EBF1: variants seen among roughly 807,000 people sequenced by gnomAD.
EBF1 encodes the protein transcription factor COE1.
Under a neutral mutation model 68.4 loss-of-function variants are expected in EBF1, and 10 were observed. That is an observed-to-expected ratio of 0.15 (90% CI 0.09 to 0.25). The LOEUF is 0.25. EBF1 is among the 10% of genes least tolerant of loss of function. The probability of loss-of-function intolerance (pLI) is 1.00; values close to 1 mark genes in which losing one functional copy is unlikely to be tolerated. For synonymous variants in EBF1, 298 were observed against 299.8 expected (o/e 0.99, Z 0.06); for missense variants, 509 against 794.4 (o/e 0.64, Z 4.32).
intron 6 of EBF1, among the ~76,000 whole-genome samples, chr5:158,851,416 A>G (rs1233680606): frequency 7.3e-5 from 8 of 109,804 alleles, no homozygotes; most frequent in Non-Finnish European, 1.3e-4. Flanking sequence ...GGGAGGGGAA[A>G]GGGAAGGGAA....
rs146887593 is a variant in EBF1, at chr5:158,990,719, T to C, written c.554+82677A>G. Among the ~76,000 whole-genome samples, 552 of 152,300 alleles carry C rather than the reference T, an allele frequency of 3.6e-3. 3 individuals carry two copies. Among genetic ancestry groups the C allele is most frequent in the African/African-American group, 0.012 (505 of 41,556 alleles). ...CTTGTCTGTTCCTATCCACAGTAAC[T>C]CTTAATGGGAATTGCATAAATATGT... is the stretch of plus-strand genomic sequence containing the variant. On this transcript the variant is annotated intron_variant, in intron 6 of 15. Transcript: ENST00000313708.
At chr5:158,822,847 T>C (rs1785157792) in intron 8 of EBF1, among the ~76,000 whole-genome samples, 1 of 152,224 alleles carries the variant, frequency 6.6e-6, no homozygotes, top group Admixed American at 6.5e-5. Context: ...TTCCCTTGGA[T>C]TGGCCTTTCC....
chr5:158,712,054 G>A, intron 14 of EBF1, 100 bp downstream of exon 14: 1 of 1,403,868 alleles, frequency 7.1e-7, no homozygotes, highest in Non-Finnish European at 9.7e-7. Flanking sequence ...GAAAGATGGG[G>A]GGCCTCAGAC....
intron 6 of EBF1, among the ~76,000 whole-genome samples, chr5:158,998,435 C>T (rs573363575): frequency 2.0e-5 from 3 of 152,214 alleles, no homozygotes; most frequent in South Asian, 4.1e-4. Context: ...TCTTCCACAT[C>T]GAGGATGAGA....
chr5:159,075,083 T>G (rs1013604744), intron 5 of EBF1, among the ~76,000 whole-genome samples: 1 of 152,220 alleles, frequency 6.6e-6, no homozygotes, highest in African/African-American at 2.4e-5. Context: ...GGTTCTGAAA[T>G]CTGACAGAGC....
In EBF1 at chr5:159,012,159, C is replaced by T. The variant is rs541438244; in HGVS notation, c.554+61237G>A. ...TAAATTAGCTGGGTGTGGTGGCACG[C>T]GCCTGTAATCCCAGCTACTCGGGAG... On this transcript the variant is annotated intron_variant, in intron 6 of 15. Coordinates refer to ENST00000313708, the MANE Select transcript of EBF1 (RefSeq NM_024007.5). Among the ~76,000 whole-genome samples, 583 of 152,024 alleles carry T rather than the reference C, an allele frequency of 3.8e-3. 3 individuals are homozygous for T. The highest frequency in any genetic ancestry group is 6.2e-3 in the Non-Finnish European group (420 of 67,960).
At chr5:159,074,146 C>T (rs1047935915) in intron 5 of EBF1, among the ~76,000 whole-genome samples, 5 of 152,136 alleles carry the variant, frequency 3.3e-5, no homozygotes, top group African/African-American at 1.2e-4. Context: ...GCATTATGGA[C>T]ATTGGAAGTA....
chr5:159,064,481 G>T (rs1335281939), intron 6 of EBF1, among the ~76,000 whole-genome samples: 2 of 152,128 alleles, frequency 1.3e-5, no homozygotes, highest in Non-Finnish European at 2.9e-5. Context: ...TCTGTCAAAT[G>T]GAGTCAATTT....
chr5:158,696,244 G>T lies in EBF1; in HGVS notation c.*2867C>A. 4.6e-6 allele frequency: 1 copy of T among 219,172 alleles called. No individual in the cohort carries two copies. Among genetic ancestry groups the T allele is most frequent in the Non-Finnish European group, 9.2e-6 (1 of 109,202 alleles). 13.6% of individuals were successfully genotyped at this position (219,172 alleles called of 1,614,324 possible). ...TTCTTCATTTCATTTTCTTCTTAAAGCCATATTCTGTATTTAGGGGAACAT... is the reference window on the plus strand; with the variant it reads ...TTCTTCATTTCATTTTCTTCTTAAATCCATATTCTGTATTTAGGGGAACAT... On this transcript the variant is annotated 3_prime_UTR_variant, in exon 16 of 16. Coordinates refer to ENST00000313708, the MANE Select transcript of EBF1 (RefSeq NM_024007.5).
Position 158,760,159 on chromosome 5 carries a change from T to C in EBF1, c.1036+17254A>G, listed in dbSNP as rs1025949824. 1.1e-4 allele frequency among the ~76,000 whole-genome samples: 17 copies of C among 152,342 alleles called. No homozygotes were observed. In the East Asian group the frequency reaches 2.7e-3, roughly 24 times the overall value. On this transcript the variant is annotated intron_variant, in intron 10 of 15. Transcript: ENST00000313708. ...TCACAAATCAGAAATTCATGACTTA[T>C]GAACTTGAATTTCAAAGTTTCAGGC...
At chr5:158,836,306 G>A (rs796866058) in intron 7 of EBF1, among the ~76,000 whole-genome samples, 13 of 152,238 alleles carry the variant, frequency 8.5e-5, no homozygotes, top group African/African-American at 2.4e-4. Context: ...AGAAGATACT[G>A]GAGAGAGCCT....
chr5:158,993,120 G>T (rs572224037), intron 6 of EBF1, among the ~76,000 whole-genome samples: 16 of 147,332 alleles, frequency 1.1e-4, no homozygotes, highest in African/African-American at 4.0e-4. Context: ...AGTAGAGATG[G>T]GGTTTCACCT....
At chr5:158,824,679 C>T (rs1038406091) in intron 7 of EBF1, among the ~76,000 whole-genome samples, 1 of 152,248 alleles carries the variant, frequency 6.6e-6, no homozygotes, top group Admixed American at 6.5e-5. Flanking sequence ...GGGGCATCGA[C>T]TTCTGAAGAG....
intron 6 of EBF1, among the ~76,000 whole-genome samples, chr5:158,956,959 C>T (rs1454555001): frequency 5.3e-5 from 8 of 152,034 alleles, no homozygotes; most frequent in African/African-American, 2.4e-5. Flanking sequence ...CGGGTTTCAC[C>T]GTGTTAGCCA....
chr5:158,990,566 T>G (rs1022580127), intron 6 of EBF1, among the ~76,000 whole-genome samples: 2 of 152,336 alleles, frequency 1.3e-5, no homozygotes, highest in East Asian at 3.9e-4. Flanking sequence ...CAGGCTTGGC[T>G]TTGAAAACTA....
In EBF1 at chr5:158,699,204, TAATG is replaced by T; in HGVS notation, c.1745-66_1745-63del. On this transcript the variant is annotated intron_variant, in intron 15 of 15. Coordinates refer to ENST00000313708, the MANE Select transcript of EBF1 (RefSeq NM_024007.5). ...CGTTCAAACTTCTCACTGAGAAAAA[TAATG>T]AAGACTAAAAAAAAAAAAACACCCA... 8 of 1,500,372 alleles carry T rather than the reference TAATG, an allele frequency of 5.3e-6. No homozygotes were observed. In the South Asian group the frequency reaches 1.0e-4, roughly 19 times the overall value. The allele number at this position is 1,500,372 out of a possible 1,614,324, so 92.9% of individuals were successfully genotyped here.
intron 11 of EBF1, among the ~76,000 whole-genome samples, chr5:158,719,741 G>T (rs1761534217): frequency 6.6e-6 from 1 of 152,144 alleles, no homozygotes; most frequent in Non-Finnish European, 1.5e-5. Context: ...AAAGCTGATA[G>T]ATACCCATAC....
Position 158,911,075 on chromosome 5 carries a change from C to T in EBF1, c.555-70965G>A, listed in dbSNP as rs535287410. Among the ~76,000 whole-genome samples the T allele has an allele frequency of 2.0e-5, 3 of 152,234 alleles. No individual in the cohort carries two copies. In the South Asian group the frequency reaches 6.2e-4, roughly 32 times the overall value. On this transcript the variant is annotated intron_variant, in intron 6 of 15. Transcript: ENST00000313708. The stretch of plus-strand genomic sequence containing the variant: ...TTTCCTTCCCCATGTACCATAGTCT[C>T]CTTTCTATCTCTTCAGTCATGGAAC...
At chr5:158,763,595 A>C (rs1771986933) in intron 10 of EBF1, among the ~76,000 whole-genome samples, 1 of 152,142 alleles carries the variant, frequency 6.6e-6, no homozygotes, top group South Asian at 2.1e-4. Context: ...CATATCACAT[A>C]TTGGAAGGTC....
Sources: allele counts gnomAD v4.1 joint callset (sites outside exome capture counted in the v4.1 genomes callset), GRCh38; gene constraint gnomAD v4.1.1; transcripts MANE v1.5; gene names NCBI Gene and HGNC (gene_info 2026-07-23, HGNC 2026-07-21).